Variants in ART3 observed in about 807,000 individuals in gnomAD.
The protein encoded by ART3 is ecto-ADP-ribosyltransferase 3.
ART3 carries 49 observed loss-of-function variants against 48.5 expected under a neutral mutation model. The observed-to-expected ratio is 1.01, with a 90% CI of 0.80 to 1.28. The LOEUF is 1.28. Ranked by LOEUF, ART3 falls within the 50% of genes most tolerant of loss-of-function variation. The pLI, the probability that ART3 is intolerant of heterozygous loss-of-function variation, is 0.00. For missense variants in ART3, 438 were observed against 454.3 expected (o/e 0.96, Z 0.33); for synonymous variants, 145 against 157.2 (o/e 0.92, Z 0.58).
intron 1 of ART3, among the ~76,000 whole-genome samples, chr4:76,039,434 G>A (rs1256040455): frequency 6.6e-6 from 1 of 152,142 alleles, no homozygotes; most frequent in African/African-American, 2.4e-5. Flanking sequence ...ATTATTATCA[G>A]TGTCCTTTCC....
intron 1 of ART3, among the ~76,000 whole-genome samples, chr4:76,051,029 G>A (rs4359938): frequency 0.57 from 84,402 of 147,970 alleles, 24,329 homozygotes; most frequent in East Asian, 0.92. Context: ...GTTCCCGCTG[G>A]CGCCTGTCCC....
chr4:76,090,790 A>G (rs534964320), intron 3 of ART3, among the ~76,000 whole-genome samples: 4 of 152,356 alleles, frequency 2.6e-5, no homozygotes, highest in South Asian at 4.1e-4. Flanking sequence ...AGTAAAATTT[A>G]GTAAGTTTTG....
chr4:76,034,776 CAT>C, intron 1 of ART3: 1 of 1,509,572 alleles, frequency 6.6e-7, no homozygotes, highest in Non-Finnish European at 9.2e-7. Flanking sequence ...TCCAGGACTT[CAT>C]ATGTTTTGAT....
intron 1 of ART3, chr4:76,036,945 C>A: frequency 5.3e-6 from 1 of 187,050 alleles, no homozygotes. Flanking sequence ...GGATCATGTC[C>A]CACACAAATT....
chr4:76,076,032 C>G lies in ART3; in HGVS notation c.69+74C>G. On this transcript the variant is annotated intron_variant, in intron 2 of 11. Transcript: ENST00000355810. ...TTTTTTTTTTTTTGAGACGGAGTCT[C>G]TCTCTGTCGCCCAGACTGCTGGAGT... 6.0e-6 allele frequency: 8 copies of G among 1,343,970 alleles called. No individual in the cohort carries two copies. The South Asian group carries it at 8.8e-5, about 15-fold the overall frequency. 83.3% of individuals were successfully genotyped at this position (1,343,970 alleles called of 1,614,324 possible).
Position 76,035,303 on chromosome 4 carries a change from C to G in ART3, c.-10+23983C>G, listed in dbSNP as rs141738372. 8.1e-6 allele frequency: 13 copies of G among 1,613,902 alleles called. No homozygotes were observed. In the African/African-American group the frequency reaches 1.3e-4, roughly 17 times the overall value. ...CACTTTCACTGCTTTTACCCCAGGG[C>G]CTATGCAAAGACAGCGTCCTCTTTT... On this transcript the variant is annotated intron_variant, in intron 1 of 9. Transcript: ENST00000341029.
chr4:76,066,355 A>G (rs1719734833), intron 1 of ART3, among the ~76,000 whole-genome samples: 2 of 152,038 alleles, frequency 1.3e-5, no homozygotes, highest in Admixed American at 6.5e-5. Flanking sequence ...AACTGCTCAG[A>G]AGGAGACCCA....
intron 1 of ART3, among the ~76,000 whole-genome samples, chr4:76,052,746 G>A (rs1325148865): frequency 7.5e-6 from 1 of 132,624 alleles, no homozygotes; most frequent in Non-Finnish European, 1.6e-5. Context: ...ACAGAGTCTT[G>A]CTCTGTCATC....
chr4:76,086,947 C>T (rs556226880), intron 3 of ART3, among the ~76,000 whole-genome samples: 1 of 152,262 alleles, frequency 6.6e-6, no homozygotes, highest in African/African-American at 2.4e-5. Context: ...GTCTCCCTCC[C>T]TCCCTACACC....
intron 1 of ART3, among the ~76,000 whole-genome samples, chr4:76,018,629 CAAAGTAATATGCCATGA>C (rs1732481218): frequency 6.6e-6 from 1 of 152,072 alleles, no homozygotes; most frequent in African/African-American, 2.4e-5. Context: ...GTATTAAATA[CAAAGTAATATGCCATGA>C]AAAGTCTCCC....
intron 1 of ART3, among the ~76,000 whole-genome samples, chr4:76,046,343 G>A (rs1219535300): frequency 6.6e-6 from 1 of 152,044 alleles, no homozygotes; most frequent in African/African-American, 2.4e-5. Context: ...ATAGGGGTTG[G>A]GTACAACTGG....
intron 11 of ART3, among the ~76,000 whole-genome samples, chr4:76,109,423 CT>C (rs1210340939): frequency 6.6e-6 from 1 of 152,080 alleles, no homozygotes; most frequent in African/African-American, 2.4e-5. Flanking sequence ...ATGATAATGC[CT>C]TCTGGAGTAG....
At chr4:76,051,162 G>A (rs1736044347) in intron 1 of ART3, among the ~76,000 whole-genome samples, 2 of 152,408 alleles carry the variant, frequency 1.3e-5, no homozygotes, top group South Asian at 4.1e-4. Flanking sequence ...AGCCCAGGCA[G>A]AGGAGGTGCC....
At chr4:76,053,522 C>CT in intron 1 of ART3, among the ~76,000 whole-genome samples, 1 of 152,196 alleles carries the variant, frequency 6.6e-6, no homozygotes, top group East Asian at 1.9e-4. Flanking sequence ...TGGAATATTA[C>CT]TTTTTGCCAA....
At position 76,112,448 on chromosome 4, in the gene ART3, C is replaced by A. The variant is rs750984133; in HGVS notation, c.1099C>A (p.Leu367Met). Residue 367 changes from leucine (L) to methionine (M), a missense_variant, in exon 12 of 12, where the codon CTG (leucine) becomes ATG (methionine). Around this residue, in one of 3 missense-constraint regions of ART3, gnomAD observed 227 missense variants for 229.6 expected, o/e 0.99. Transcript: ENST00000355810. ...TCCTTCTGCATCCTCGGGCAAACTG[C>A]TGCTTCCACAGTTTGGGATGGTCAT... The part of the protein sequence containing the change: ...SHPSASSGKL[L>M]LPQFGMVIIL... 4 of 1,614,078 alleles carry A rather than the reference C, an allele frequency of 2.5e-6. No individual in the cohort carries two copies. The South Asian group carries it at 4.4e-5, about 18-fold the overall frequency.
At chr4:76,109,494 GTACAGTCTAAAA>G (rs1407641517) in intron 11 of ART3, among the ~76,000 whole-genome samples, 4 of 152,120 alleles carry the variant, frequency 2.6e-5, no homozygotes, top group African/African-American at 9.7e-5. Flanking sequence ...AGTTGAAGGA[GTACAGTCTAAAA>G]TAATGATTAA....
intron 1 of ART3, among the ~76,000 whole-genome samples, chr4:76,054,308 A>T (rs538494815): frequency 2.6e-5 from 4 of 152,330 alleles, no homozygotes; most frequent in South Asian, 4.1e-4. Context: ...TTGTATTTTT[A>T]AAAAATAGAA....
At chr4:76,023,918 G>T (rs1265431170) in intron 1 of ART3, among the ~76,000 whole-genome samples, 1 of 152,144 alleles carries the variant, frequency 6.6e-6, no homozygotes, top group Non-Finnish European at 1.5e-5. Flanking sequence ...GTAACAGCAA[G>T]TTGTGCCTGA....
At chr4:76,074,055 T>C (rs1720607133), upstream of ART3, among the ~76,000 whole-genome samples, 1 of 152,198 alleles carries the variant, frequency 6.6e-6, no homozygotes, top group Admixed American at 6.5e-5. Flanking sequence ...GTTTTTTAAA[T>C]CCACAGTCAG....
Sources: gnomAD v4.1 joint callset for allele counts (sites outside exome capture counted in the v4.1 genomes callset) on GRCh38, gnomAD v4.1.1 for gene constraint, gnomAD v4.1.1 regional missense constraint, MANE v1.5 for transcripts, NCBI Gene and HGNC (gene_info 2026-07-23, HGNC 2026-07-21) for gene names.